Variants in CAMTA1 observed in about 807,000 individuals in gnomAD.
CAMTA1 encodes calmodulin-binding transcription activator 1.
Under a neutral mutation model 170.9 loss-of-function variants are expected in CAMTA1, and 27 were observed. The ratio of observed to expected loss-of-function variants is 0.16; its 90% CI spans 0.12 to 0.22. CAMTA1 has a LOEUF of 0.22. CAMTA1 is among the 10% of genes least tolerant of loss of function. The probability of loss-of-function intolerance (pLI) is 1.00; values close to 1 mark genes in which losing one functional copy is unlikely to be tolerated. For synonymous variants in CAMTA1, 833 were observed against 891.5 expected (o/e 0.93, Z 1.17); for missense variants, 1,619 against 2,217.2 (o/e 0.73, Z 5.42).
At position 6,918,331 on chromosome 1, in the gene CAMTA1, T is replaced by G. The variant is rs1481933486; in HGVS notation, c.234+93121T>G. Among the ~76,000 whole-genome samples, 2 of 152,086 alleles carry G rather than the reference T, an allele frequency of 1.3e-5. No individual in the cohort carries two copies. Among genetic ancestry groups the G allele is most frequent in the African/African-American group, 4.8e-5 (2 of 41,412 alleles). ...TGCTTGACTGAAGCACAGGCCACATTTGTCCTGGGAGCCAATGAGCAGACA... is the reference window on the plus strand; with the variant it reads ...TGCTTGACTGAAGCACAGGCCACATGTGTCCTGGGAGCCAATGAGCAGACA... On this transcript the variant is annotated intron_variant, in intron 3 of 22. Transcript: ENST00000303635. The surrounding 1 kb of genome is among the most constrained non-coding windows in gnomAD (Gnocchi z 4.0).
intron 6 of CAMTA1, among the ~76,000 whole-genome samples, chr1:7,555,944 T>C (rs1186677849): frequency 6.6e-6 from 1 of 152,194 alleles, no homozygotes; most frequent in Non-Finnish European, 1.5e-5. Flanking sequence ...GGCTAGCAGA[T>C]CAGCAGGCGG....
At chr1:7,684,047 G>A (rs1174162568) in intron 11 of CAMTA1, among the ~76,000 whole-genome samples, 2 of 152,196 alleles carry the variant, frequency 1.3e-5, no homozygotes, top group East Asian at 1.9e-4. Context: ...GAGCTCCTCT[G>A]TGTAGCAAGG....
chr1:7,759,054 T>G lies in CAMTA1; in HGVS notation c.4989+3386T>G, dbSNP rs12567989. On this transcript the variant is annotated intron_variant, in intron 22 of 22. Coordinates refer to ENST00000303635, the MANE Select transcript of CAMTA1 (RefSeq NM_015215.4). ...TTTTCCCAGCTACTGGAGGCTGAGG[T>G]GGGAGGATTGCTTGAGCCCAGAAGG... Among the ~76,000 whole-genome samples, 1,070 of 151,704 alleles carry G rather than the reference T, an allele frequency of 7.1e-3. 42 individuals are homozygous for G. The East Asian group carries it at 0.11, about 16-fold the overall frequency.
At chr1:7,554,283 T>C (rs1208877394) in intron 6 of CAMTA1, among the ~76,000 whole-genome samples, 1 of 152,202 alleles carries the variant, frequency 6.6e-6, no homozygotes, top group Non-Finnish European at 1.5e-5. Context: ...TTCTCTACCC[T>C]GCACTCCTTC....
chr1:7,742,211 A>G (rs1192587887), intron 16 of CAMTA1, among the ~76,000 whole-genome samples: 1 of 151,968 alleles, frequency 6.6e-6, no homozygotes, highest in Non-Finnish European at 1.5e-5. Context: ...ACCTTGAAAC[A>G]TTACAGCAAA....
chr1:7,271,766 A>G (rs1004026284), intron 5 of CAMTA1, among the ~76,000 whole-genome samples: 1 of 152,178 alleles, frequency 6.6e-6, no homozygotes, highest in African/African-American at 2.4e-5. Context: ...GGTGACTAAA[A>G]TCAGGAATGA....
At chr1:7,495,974 G>A (rs868582622) in intron 6 of CAMTA1, among the ~76,000 whole-genome samples, 2 of 152,120 alleles carry the variant, frequency 1.3e-5, no homozygotes, top group Admixed American at 6.5e-5. Context: ...ATTTCAGGTC[G>A]ATGAAAGCTC....
intron 4 of CAMTA1, among the ~76,000 whole-genome samples, chr1:7,103,740 A>G (rs991435050): frequency 6.6e-6 from 1 of 151,876 alleles, no homozygotes; most frequent in Non-Finnish European, 1.5e-5. Context: ...CCACACATGT[A>G]CACACAATAC....
chr1:6,899,836 A>T (rs1676548770), intron 3 of CAMTA1, among the ~76,000 whole-genome samples: 1 of 152,190 alleles, frequency 6.6e-6, no homozygotes, highest in African/African-American at 2.4e-5. Flanking sequence ...TCATCGGTTG[A>T]TCTGTTTCCT....
At chr1:7,343,378 G>A (rs1181557762) in intron 5 of CAMTA1, among the ~76,000 whole-genome samples, 2 of 152,128 alleles carry the variant, frequency 1.3e-5, no homozygotes, top group African/African-American at 4.8e-5. Context: ...TCCCTACCAG[G>A]GGCATCTTGG....
chr1:7,061,539 G>T (rs569635612), intron 3 of CAMTA1, among the ~76,000 whole-genome samples: 12 of 85,580 alleles, frequency 1.4e-4, no homozygotes, highest in African/African-American at 7.7e-4. Context: ...AGTACCAAGT[G>T]TTGGGGAAGG....
At chr1:7,188,359 T>C (rs569257645) in intron 4 of CAMTA1, among the ~76,000 whole-genome samples, 1 of 152,320 alleles carries the variant, frequency 6.6e-6, no homozygotes, top group East Asian at 1.9e-4. Flanking sequence ...ACTGTACCAT[T>C]CAGTGACATT....
chr1:6,916,912 G>T (rs912182308), intron 3 of CAMTA1, among the ~76,000 whole-genome samples: 1 of 152,206 alleles, frequency 6.6e-6, no homozygotes, highest in Non-Finnish European at 1.5e-5. Flanking sequence ...GTAGGGAGGC[G>T]GAGGCCTGTT....
chr1:7,427,130 C>T (rs2091907528), intron 5 of CAMTA1, among the ~76,000 whole-genome samples: 4 of 152,068 alleles, frequency 2.6e-5, no homozygotes, highest in Admixed American at 1.3e-4. Flanking sequence ...GTGTCTGAGC[C>T]GAGAAGAGCT....
At chr1:7,281,092 T>C (rs911409339) in intron 5 of CAMTA1, among the ~76,000 whole-genome samples, 3 of 152,224 alleles carry the variant, frequency 2.0e-5, no homozygotes, top group Non-Finnish European at 4.4e-5. Flanking sequence ...ATATTCTCTT[T>C]TTATTCACCC....
chr1:7,506,762 CACACTCAATGCAAACTCACATGCTT>C (rs1456380133), intron 6 of CAMTA1, among the ~76,000 whole-genome samples: 1 of 151,836 alleles, frequency 6.6e-6, no homozygotes, highest in African/African-American at 2.4e-5. Context: ...CTCACATGCT[CACACTCAATGCAAACTCACATGCTT>C]ACACTCAAAA....
intron 3 of CAMTA1, among the ~76,000 whole-genome samples, chr1:6,890,452 C>T (rs1316950000): frequency 6.6e-6 from 1 of 152,176 alleles, no homozygotes; most frequent in Non-Finnish European, 1.5e-5. Context: ...GAGTGACTGA[C>T]TGGCACAGCT....
At chr1:6,871,895 G>A (rs1274047611) in intron 3 of CAMTA1, 2 of 1,397,964 alleles carry the variant, frequency 1.4e-6, no homozygotes, top group Non-Finnish European at 1.8e-6. Flanking sequence ...TGTACAAGCT[G>A]TAACATTTCA....
At position 7,288,542 on chromosome 1, in the gene CAMTA1, G is replaced by T. The variant is rs754484963; in HGVS notation, c.438+38916G>T. ...AGAGTTTGGGGTTGTGGGCATGGAA[G>T]AGGAGAGGCAGGCAGGAAAAGACTC... is the stretch of plus-strand genomic sequence containing the variant. On this transcript the variant is annotated intron_variant, in intron 5 of 22. Coordinates refer to ENST00000303635, the MANE Select transcript of CAMTA1 (RefSeq NM_015215.4). Among the ~76,000 whole-genome samples, 336 of 152,336 alleles carry T rather than the reference G, an allele frequency of 2.2e-3. 1 individual carries two copies. Among genetic ancestry groups the T allele is most frequent in the Non-Finnish European group, 2.2e-3 (151 of 68,030 alleles).
Sources: allele counts gnomAD v4.1 joint callset (sites outside exome capture counted in the v4.1 genomes callset), GRCh38; gene constraint gnomAD v4.1.1; non-coding constraint Gnocchi (gnomAD v3.1); transcripts MANE v1.5; gene names NCBI Gene and HGNC (gene_info 2026-07-23, HGNC 2026-07-21).